Variants in SRSF11 observed in about 807,000 individuals in gnomAD.
The protein encoded by SRSF11 is serine/arginine-rich splicing factor 11.
In SRSF11, 9 loss-of-function variants were observed where a neutral mutation model predicts 56.0. That is an observed-to-expected ratio of 0.16 (90% CI 0.10 to 0.28). The LOEUF (loss-of-function observed/expected upper bound fraction) is 0.28, where lower values mean the gene tolerates loss of function less well. Ranked by LOEUF, SRSF11 falls within the 10% of genes least tolerant of loss-of-function variation. SRSF11 has a pLI of 1.00. For synonymous variants in SRSF11, 222 were observed against 215.3 expected (o/e 1.03, Z -0.27); for missense variants, 421 against 600.7 (o/e 0.70, Z 3.13).
At chr1:70,226,816 A>G (rs1005727428) in intron 1 of SRSF11, among the ~76,000 whole-genome samples, 12 of 152,344 alleles carry the variant, frequency 7.9e-5, no homozygotes, top group Admixed American at 6.5e-4. Flanking sequence ...GCTGGGTAAC[A>G]TAGTAAGACC....
intron 2 of SRSF11, chr1:70,228,892 A>G (rs1299302256): frequency 2.0e-6 from 2 of 984,430 alleles, no homozygotes; most frequent in Non-Finnish European, 2.4e-6. Context: ...GATTCACTCC[A>G]TGTATGCTTA....
intron 5 of SRSF11, among the ~76,000 whole-genome samples, 192 bp downstream of exon 5, chr1:70,235,742 C>A (rs1025401412): frequency 2.0e-5 from 3 of 152,102 alleles, no homozygotes; most frequent in Admixed American, 2.0e-4. Context: ...GTTTCAGTGT[C>A]ATTTGAGTCT....
intron 9 of SRSF11, chr1:70,247,223 A>G (rs1045547955): frequency 8.0e-6 from 4 of 502,938 alleles, no homozygotes; most frequent in Non-Finnish European, 1.0e-5. Context: ...TAAGCTTATT[A>G]TAGTAAGCTA....
Position 70,239,645 on chromosome 1 carries a change from A to G in SRSF11, c.800+125A>G, listed in dbSNP as rs550486915. 87 of 639,914 alleles carry G rather than the reference A, an allele frequency of 1.4e-4. No individual in the cohort carries two copies. In the African/African-American group the frequency reaches 1.6e-3, roughly 12 times the overall value. 39.6% of individuals were successfully genotyped at this position (639,914 alleles called of 1,614,324 possible). Reference sequence around the variant, plus strand: ...TGTTTTAGTAACCTCTGCTGTTAGAATGTGTGAATGACTGTTCACACATGT... The same window carrying G: ...TGTTTTAGTAACCTCTGCTGTTAGAGTGTGTGAATGACTGTTCACACATGT... On this transcript the variant is annotated intron_variant, in intron 7 of 11. Transcript: ENST00000370949.
upstream of SRSF11, chr1:70,221,050 CATT>C (rs1289457624): frequency 2.0e-5 from 3 of 151,996 alleles, no homozygotes; most frequent in African/African-American, 7.3e-5. Flanking sequence ...GTTTAAATAT[CATT>C]AGTAATCGGA....
At chr1:70,207,288 T>C (rs1349857771) in intron 1 of SRSF11, among the ~76,000 whole-genome samples, 4 of 152,164 alleles carry the variant, frequency 2.6e-5, no homozygotes, top group African/African-American at 4.8e-5. Context: ...AGCTGCCTTA[T>C]TGGGCCCATA....
intron 3 of SRSF11, among the ~76,000 whole-genome samples, chr1:70,234,112 A>T (rs992191416): frequency 1.3e-5 from 2 of 152,160 alleles, no homozygotes; most frequent in African/African-American, 4.8e-5. Context: ...ACTTACTGAG[A>T]GGCGAGGGCT....
In SRSF11 at chr1:70,252,199, TCTTAG is replaced by T. The variant is rs1257341312; in HGVS notation, c.*1400_*1404del. 1.3e-5 allele frequency: 2 copies of T among 152,240 alleles called. No individual in the cohort carries two copies. Among genetic ancestry groups the T allele is most frequent in the Non-Finnish European group, 2.9e-5 (2 of 68,004 alleles). 9.4% of individuals were successfully genotyped at this position (152,240 alleles called of 1,614,324 possible). ...TAATTTCTATCCAAAATAGTCCTTT[TCTTAG>T]CTTAGTATCATTTTATTGCTTATTT... On this transcript the variant is annotated 3_prime_UTR_variant, in exon 12 of 12. Transcript: ENST00000370949.
Position 70,228,415 on chromosome 1 carries a change from T to G in SRSF11, c.204-7T>G. 6.2e-7 allele frequency: 1 copy of G among 1,603,014 alleles called. No individual in the cohort carries two copies. The highest frequency in any genetic ancestry group is 8.5e-7 in the Non-Finnish European group (1 of 1,173,076). ...TTTCTCTTTTATGTTATTTGTTTAT[T>G]TTTTAGTGATTCGCCTTTGCCAGTC... On this transcript the variant is annotated splice_region_variant and splice_polypyrimidine_tract_variant and intron_variant, in intron 1 of 11. Transcript: ENST00000370949.
In SRSF11 at chr1:70,221,548, T is replaced by C. The variant is rs371165024; in HGVS notation, c.-89T>C. 9.3e-6 allele frequency: 14 copies of C among 1,503,000 alleles called. No individual in the cohort carries two copies. The highest frequency in any genetic ancestry group is 4.7e-5 in the East Asian group (2 of 42,344). The allele number at this position is 1,503,000 out of a possible 1,614,324, so 93.1% of individuals were successfully genotyped here. A position where few individuals can be genotyped will look rare whatever the true frequency, so the allele number is the denominator to read the frequency against. ...CTGTAGCATCGGACACCCTCCTCTC[T>C]CCCGCAATCCGGTTCCTCTTCCCCC... On this transcript the variant is annotated 5_prime_UTR_variant, in exon 1 of 12. Coordinates refer to ENST00000370949, the MANE Select transcript of SRSF11 (RefSeq NM_001350605.2).
chr1:70,241,677 A>G (rs1176317335), intron 7 of SRSF11, among the ~76,000 whole-genome samples: 3 of 152,284 alleles, frequency 2.0e-5, no homozygotes, highest in South Asian at 2.1e-4. Flanking sequence ...GTTTCTGCTC[A>G]TGATCCTTTC....
At chr1:70,231,428 G>C (rs990912772) in intron 2 of SRSF11, 1 of 1,057,270 alleles carries the variant, frequency 9.5e-7, no homozygotes, top group Non-Finnish European at 1.1e-6. Flanking sequence ...ACACAGATTA[G>C]GCTTTAAAAA....
intron 5 of SRSF11, among the ~76,000 whole-genome samples, chr1:70,235,994 A>C (rs927165439): frequency 6.6e-5 from 10 of 152,208 alleles, no homozygotes; most frequent in African/African-American, 2.4e-4. Context: ...CGACTTGATG[A>C]TGTGACAGAT....
At chr1:70,233,084 A>G (rs557302072) in intron 3 of SRSF11, among the ~76,000 whole-genome samples, 34 of 152,312 alleles carry the variant, frequency 2.2e-4, no homozygotes, top group Admixed American at 6.5e-4. Flanking sequence ...GAAGTGCACT[A>G]TAGAATGAAA....
At chr1:70,247,015 T>G in intron 9 of SRSF11, 108 bp downstream of exon 9, 1 of 1,123,894 alleles carries the variant, frequency 8.9e-7, no homozygotes, top group Non-Finnish European at 1.2e-6. Context: ...TATTTCAGTG[T>G]TGAAAAAAGT....
intron 1 of SRSF11, among the ~76,000 whole-genome samples, chr1:70,210,291 C>T (rs777184366): frequency 1.3e-5 from 2 of 151,962 alleles, no homozygotes; most frequent in Non-Finnish European, 2.9e-5. Flanking sequence ...CCAGTAGCTG[C>T]GACTGTAGGC....
At chr1:70,211,170 GA>G (rs1053138040) in intron 1 of SRSF11, among the ~76,000 whole-genome samples, 2 of 148,414 alleles carry the variant, frequency 1.3e-5, no homozygotes, top group African/African-American at 4.9e-5. Flanking sequence ...TGGATTTTAT[GA>G]TTTTTTTTTT....
At chr1:70,225,597 G>T (rs1449583624) in intron 1 of SRSF11, among the ~76,000 whole-genome samples, 1 of 152,068 alleles carries the variant, frequency 6.6e-6, no homozygotes, top group Non-Finnish European at 1.5e-5. Context: ...TAAGAATCTG[G>T]GCCTTCATGT....
rs1670563884 is a variant in SRSF11 at position 70,221,393 on chromosome 1, G to A, written c.-244G>A. On this transcript the variant is annotated 5_prime_UTR_variant, in exon 1 of 12. Coordinates refer to ENST00000370949, the MANE Select transcript of SRSF11 (RefSeq NM_001350605.2). Reference sequence around the variant, plus strand: ...CTCGGGCCCGCTAGTGTCGTGGTTGGAGGCGAGGTGGGGCGGCCGTTTGTT... The same window carrying A: ...CTCGGGCCCGCTAGTGTCGTGGTTGAAGGCGAGGTGGGGCGGCCGTTTGTT... The A allele has an allele frequency of 1.9e-6, 1 of 528,742 alleles. No individual in the cohort carries two copies. The highest frequency in any genetic ancestry group is 3.3e-6 in the Non-Finnish European group (1 of 303,074). The allele number at this position is 528,742 out of a possible 1,614,324, so 32.8% of individuals were successfully genotyped here. A position where few individuals can be genotyped will look rare whatever the true frequency, so the allele number is the denominator to read the frequency against.
Sources: gnomAD v4.1 joint callset for allele counts (sites outside exome capture counted in the v4.1 genomes callset) on GRCh38, gnomAD v4.1.1 for gene constraint, MANE v1.5 for transcripts, NCBI Gene and HGNC (gene_info 2026-07-23, HGNC 2026-07-21) for gene names.